Variants in GABRA1 observed in about 807,000 individuals in gnomAD.
The protein encoded by GABRA1 is gamma-aminobutyric acid receptor subunit alpha-1.
In GABRA1, 9 loss-of-function variants were observed where a neutral mutation model predicts 48.9. The ratio of observed to expected loss-of-function variants is 0.18; its 90% CI spans 0.11 to 0.32. GABRA1 has a LOEUF of 0.32. Ranked by LOEUF, GABRA1 falls within the 10% of genes least tolerant of loss-of-function variation. The pLI is 1.00. For synonymous variants in GABRA1, 210 were observed against 198.7 expected (o/e 1.06, Z -0.48); for missense variants, 285 against 553.8 (o/e 0.51, Z 4.87).
intron 8 of GABRA1, among the ~76,000 whole-genome samples, chr5:161,892,710 A>G (rs1755150690): frequency 6.6e-6 from 1 of 152,148 alleles, no homozygotes; most frequent in Middle Eastern, 3.2e-3. Flanking sequence ...AAAACAAACA[A>G]AAAACACAGG....
At chr5:161,892,815 C>T (rs2901629) in intron 8 of GABRA1, among the ~76,000 whole-genome samples, 26,639 of 151,666 alleles carry the variant, frequency 0.18, 3,086 homozygotes, top group African/African-American at 0.32. Flanking sequence ...CCATCCTGGC[C>T]AACATGGTGA....
chr5:161,851,197 C>T (rs1216925919), intron 2 of GABRA1, among the ~76,000 whole-genome samples: 1 of 152,054 alleles, frequency 6.6e-6, no homozygotes, highest in Non-Finnish European at 1.5e-5. Context: ...GAAAAAGTTA[C>T]CCCAATTAGT....
At chr5:161,894,246 G>T (rs1285530369) in intron 8 of GABRA1, among the ~76,000 whole-genome samples, 1 of 152,026 alleles carries the variant, frequency 6.6e-6, no homozygotes, top group East Asian at 1.9e-4. Flanking sequence ...AACCCCAGAA[G>T]CTCGTGATTT....
chr5:161,891,780 C>G (rs1321858794), intron 8 of GABRA1, among the ~76,000 whole-genome samples: 1 of 152,114 alleles, frequency 6.6e-6, no homozygotes, highest in Non-Finnish European at 1.5e-5. Flanking sequence ...GATTCCAATA[C>G]AATATCTTCT....
chr5:161,855,580 G>A lies in GABRA1; in HGVS notation c.187+1310G>A, dbSNP rs1757616793. ...AAATAGAGTGGTCACAAAATGGGGA[G>A]CCTAATTTTGTATATGATATGTTAA... On this transcript the variant is annotated intron_variant, in intron 3 of 9. Transcript: ENST00000393943. Among the ~76,000 whole-genome samples, 7 of 151,356 alleles carry A rather than the reference G, an allele frequency of 4.6e-5. No homozygotes were observed. The South Asian group carries it at 1.5e-3, about 31-fold the overall frequency.
At chr5:161,896,752 C>T (rs1277017827) in intron 9 of GABRA1, among the ~76,000 whole-genome samples, 2 of 152,142 alleles carry the variant, frequency 1.3e-5, no homozygotes, top group Admixed American at 6.5e-5. Context: ...AATATTGCTG[C>T]ATACTGTATT....
At chr5:161,894,361 C>T (rs754948825) in intron 8 of GABRA1, among the ~76,000 whole-genome samples, 1 of 152,142 alleles carries the variant, frequency 6.6e-6, no homozygotes, top group Non-Finnish European at 1.5e-5. Flanking sequence ...TTAATACTGA[C>T]ATGTAAATTC....
chr5:161,884,056 T>C (rs1193008607), intron 7 of GABRA1, among the ~76,000 whole-genome samples: 1 of 152,114 alleles, frequency 6.6e-6, no homozygotes, highest in Non-Finnish European at 1.5e-5. Flanking sequence ...AACTCTAGTA[T>C]TGCCTAAGTA....
chr5:161,864,591 C>A (rs554226132), intron 3 of GABRA1, among the ~76,000 whole-genome samples: 1 of 151,646 alleles, frequency 6.6e-6, no homozygotes, highest in East Asian at 1.9e-4. Context: ...ATGTTATATG[C>A]CAGAGATGCA....
At chr5:161,847,818 T>C (rs1757269314), upstream of GABRA1, 1 of 152,196 alleles carries the variant, frequency 6.6e-6, no homozygotes, top group African/African-American at 2.4e-5. Context: ...GTTGTATTTT[T>C]AATGGGCTCA....
chr5:161,882,537 T>C, intron 6 of GABRA1, 21 bp from the exon 7 acceptor site: 1 of 1,610,114 alleles, frequency 6.2e-7, no homozygotes, highest in Non-Finnish European at 8.5e-7. Flanking sequence ...ATATGGATCA[T>C]TTTCTACTGT....
rs143185266 is a variant in GABRA1, at chr5:161,894,933, C to T, written c.857-733C>T. On this transcript the variant is annotated intron_variant, in intron 8 of 9. Transcript: ENST00000393943. ...CAGAAAGAAAAAAGATTCTAACATTCGAATCAGAAAAACTGGTGTTCAGAT... is the reference window on the plus strand; with the variant it reads ...CAGAAAGAAAAAAGATTCTAACATTTGAATCAGAAAAACTGGTGTTCAGAT... Among the ~76,000 whole-genome samples the T allele has an allele frequency of 3.5e-4, 53 of 152,022 alleles. No homozygotes were observed. In the East Asian group the frequency reaches 8.1e-3, roughly 23 times the overall value.
At position 161,899,467 on chromosome 5, in the gene GABRA1, A is replaced by G. The variant is rs1219207253; in HGVS notation, c.*2045A>G. On this transcript the variant is annotated 3_prime_UTR_variant, in exon 10 of 10. Transcript: ENST00000393943. Reference sequence around the variant, plus strand: ...GCGTTATACTAATGTGTTTATTGAGAGCATTTTACCTTCCAGACTTCTCAT... The same window carrying G: ...GCGTTATACTAATGTGTTTATTGAGGGCATTTTACCTTCCAGACTTCTCAT... 1.3e-5 allele frequency: 2 copies of G among 152,102 alleles called. No homozygotes were observed. The highest frequency in any genetic ancestry group is 3.9e-4 in the East Asian group (2 of 5,192). The allele number at this position is 152,102 out of a possible 1,614,324, so 9.4% of individuals were successfully genotyped here.
At chr5:161,891,902 G>A (rs114906096) in intron 8 of GABRA1, among the ~76,000 whole-genome samples, 115 of 152,190 alleles carry the variant, frequency 7.6e-4, no homozygotes, top group African/African-American at 2.6e-3. Context: ...TATACTAGGC[G>A]CTATTCTATA....
chr5:161,856,427 A>G (rs1248522872), intron 3 of GABRA1, among the ~76,000 whole-genome samples: 1 of 151,402 alleles, frequency 6.6e-6, no homozygotes, highest in Non-Finnish European at 1.5e-5. Context: ...CTAATATGCT[A>G]CAATAATTCC....
Position 161,873,319 on chromosome 5 carries a change from C to T in GABRA1, c.458C>T (p.Thr153Ile), listed in dbSNP as rs776482117. The change falls in exon 5 of 10, where the codon ACC becomes ATC. Residue 153 changes from threonine to isoleucine, a missense_variant. By Grantham distance (89) the Thr-to-Ile change is moderately conservative. Coordinates refer to ENST00000393943, the MANE Select transcript of GABRA1 (RefSeq NM_001127644.2). ...CTCCTGCGGATCACAGAGGATGGCA[C>T]CTTGCTGTACACCATGAGGTAAGGA... ...NKLLRITEDG[T>I]LLYTMRLTVR... The T allele has an allele frequency of 6.2e-7, 1 of 1,613,294 alleles. No homozygotes were observed. The highest frequency in any genetic ancestry group is 8.5e-7 in the Non-Finnish European group (1 of 1,179,456).
At chr5:161,875,268 C>T (rs1754296331) in intron 5 of GABRA1, among the ~76,000 whole-genome samples, 1 of 152,146 alleles carries the variant, frequency 6.6e-6, no homozygotes, top group South Asian at 2.1e-4. Context: ...AAACCATTTG[C>T]TATAGCTGAG....
At chr5:161,857,291 G>A (rs148788386) in intron 3 of GABRA1, among the ~76,000 whole-genome samples, 1 of 151,382 alleles carries the variant, frequency 6.6e-6, no homozygotes, top group African/African-American at 2.4e-5. Context: ...ATGTCCTCAG[G>A]AAATAGAAAA....
intron 7 of GABRA1, among the ~76,000 whole-genome samples, 169 bp from the exon 8 acceptor site, chr5:161,890,729 A>C (rs576827192): frequency 6.6e-6 from 1 of 152,244 alleles, no homozygotes; most frequent in South Asian, 2.1e-4. Flanking sequence ...CTGTGTGTTA[A>C]GTATGTCTCT....
Sources: gnomAD v4.1 joint callset for allele counts (sites outside exome capture counted in the v4.1 genomes callset) on GRCh38, gnomAD v4.1.1 for gene constraint, MANE v1.5 for transcripts, NCBI Gene and HGNC (gene_info 2026-07-23, HGNC 2026-07-21) for gene names.